FPR3: variants seen among roughly 807,000 people sequenced by gnomAD.
The protein encoded by FPR3 is formyl peptide receptor 3, also known as N-formyl peptide receptor 3.
For missense variants in FPR3, 346 were observed against 443.2 expected (o/e 0.78, Z 1.97); for synonymous variants, 135 against 163.6 (o/e 0.83, Z 1.34).
At chr19:51,804,632 C>T (rs2084045618) in intron 1 of FPR3, among the ~76,000 whole-genome samples, 1 of 152,050 alleles carries the variant, frequency 6.6e-6, no homozygotes, top group South Asian at 2.1e-4. Context: ...AGCAAAAATG[C>T]TCAAATTGAC....
intron 1 of FPR3, among the ~76,000 whole-genome samples, chr19:51,822,914 G>A (rs1295664897): frequency 6.6e-6 from 1 of 152,088 alleles, no homozygotes; most frequent in Non-Finnish European, 1.5e-5. Context: ...CCAGACTGAA[G>A]TGCAGTGGCA....
intron 1 of FPR3, among the ~76,000 whole-genome samples, chr19:51,815,843 T>C (rs774884575): frequency 6.9e-6 from 1 of 143,966 alleles, no homozygotes; most frequent in Non-Finnish European, 1.5e-5. Flanking sequence ...GCCTGGGTGA[T>C]AGAATGAGAC....
intron 1 of FPR3, among the ~76,000 whole-genome samples, chr19:51,803,508 G>A (rs111450200): frequency 0.026 from 3,871 of 150,642 alleles, 91 homozygotes; most frequent in Middle Eastern, 0.095. Flanking sequence ...CATTCTTCTC[G>A]TCTTCTCTAG....
rs749388263 is a variant in FPR3, at chr19:51,824,400, A to G, written c.652A>G (p.Thr218Ala). 5 of 1,614,042 alleles carry G rather than the reference A, an allele frequency of 3.1e-6. No individual in the cohort carries two copies. The highest frequency in any genetic ancestry group is 4.2e-6 in the Non-Finnish European group (5 of 1,180,002). ...IGFSVPMSII[T>A]VCYGIIAAKI... is the part of the protein sequence containing the mutation. Reference sequence around the variant, plus strand: ...CTTCAGCGTGCCTATGTCCATCATCACAGTCTGCTATGGGATCATCGCTGC... The same window carrying G: ...CTTCAGCGTGCCTATGTCCATCATCGCAGTCTGCTATGGGATCATCGCTGC... The change falls in exon 2 of 2, where the codon ACA (threonine) becomes GCA (alanine). Residue 218 changes from threonine (T) to alanine (A), a missense_variant. Thr to Ala is a moderately conservative substitution (Grantham distance 58, BLOSUM62 0). Coordinates refer to ENST00000339223, the MANE Select transcript of FPR3 (RefSeq NM_002030.5). This position sits in a 1 kb window ranked among gnomAD's most constrained non-coding sequence, Gnocchi z 4.7.
Sources: gnomAD v4.1 joint callset for allele counts (sites outside exome capture counted in the v4.1 genomes callset) on GRCh38, gnomAD v4.1.1 for gene constraint, Gnocchi (gnomAD v3.1) non-coding constraint, MANE v1.5 for transcripts, NCBI Gene and HGNC (gene_info 2026-07-23, HGNC 2026-07-21) for gene names.